The following LMTK2 variants were observed in gnomAD, a reference collection of about 807,000 sequenced individuals.
The protein encoded by LMTK2 is serine/threonine-protein kinase LMTK2.
Under a neutral mutation model 127.5 loss-of-function variants are expected in LMTK2, and 37 were observed. That is an observed-to-expected ratio of 0.29 (90% confidence interval 0.22 to 0.38). The LOEUF (loss-of-function observed/expected upper bound fraction) is 0.38, where lower values mean the gene tolerates loss of function less well. Ranked by LOEUF, LMTK2 falls within the 10% of genes least tolerant of loss-of-function variation. LMTK2 has a pLI of 1.00. For synonymous variants in LMTK2, 819 were observed against 810.1 expected, an observed-to-expected ratio of 1.01 and a Z score of -0.19; for missense variants, 1,694 against 1,920.3, an observed-to-expected ratio of 0.88 and a Z score of 2.20.
chr7:98,157,898 C>T (rs1043009683), intron 5 of LMTK2, among the ~76,000 whole-genome samples: 3 of 152,150 alleles, frequency 2.0e-5, no homozygotes, highest in African/African-American at 4.8e-5. Flanking sequence ...TGGTTACACA[C>T]ATCTGTGCAC....
Position 98,193,096 on chromosome 7 carries a change from C to T in LMTK2, c.2631C>T (p.His877=), listed in dbSNP as rs775120891. ...TTCTCTCAACTGATGCCAGAACCCA[C>T]AGCCTGGATAACAGGTCCCAGGACT... The part of the protein sequence containing the change: ...VEILSTDART[H]SLDNRSQDSP... Residue 877 remains histidine, a synonymous_variant, in exon 11 of 14, where the codon CAC becomes CAT. Transcript: ENST00000297293. The surrounding 1 kb of genome is among the most constrained non-coding windows in gnomAD (Gnocchi z 4.1). The T allele has an allele frequency of 2.5e-6, 4 of 1,613,802 alleles. No individual in the cohort carries two copies. The highest frequency in any genetic ancestry group is 4.5e-5 in the East Asian group (2 of 44,874).
chr7:98,172,292 G>A (rs1409536865), intron 7 of LMTK2, among the ~76,000 whole-genome samples: 2 of 150,488 alleles, frequency 1.3e-5, no homozygotes, highest in Non-Finnish European at 3.0e-5. Context: ...CCACTTGAAT[G>A]ACCATAGTTC....
At chr7:98,114,417 A>AT (rs746260763) in intron 1 of LMTK2, among the ~76,000 whole-genome samples, 1 of 150,988 alleles carries the variant, frequency 6.6e-6, no homozygotes, top group Non-Finnish European at 1.5e-5. Flanking sequence ...TGTAAAACAT[A>AT]TTTTTTCTAT....
rs745765701 is a variant in LMTK2 at position 98,194,206 on chromosome 7, G to A, written c.3741G>A (p.Leu1247=). 1 of 1,613,968 alleles carries A rather than the reference G, an allele frequency of 6.2e-7. No individual in the cohort carries two copies. The highest frequency in any genetic ancestry group is 8.5e-7 in the Non-Finnish European group (1 of 1,180,008). The change falls in exon 11 of 14, where the codon CTG becomes CTA. Residue 1247 remains leucine, a synonymous_variant. Coordinates refer to ENST00000297293, the MANE Select transcript of LMTK2 (RefSeq NM_014916.4). The surrounding 1 kb of genome is among the most constrained non-coding windows in gnomAD (Gnocchi z 5.4). ...AYTNSALDKS[L]SSHSEGPKLK... is the part of the protein sequence containing the mutation. Reference sequence around the variant, plus strand: ...CCAATTCTGCGCTGGACAAGTCCCTGTCCAGCCACTCCGAGGGCCCGAAGT... The same window carrying A: ...CCAATTCTGCGCTGGACAAGTCCCTATCCAGCCACTCCGAGGGCCCGAAGT...
At chr7:98,152,195 C>G (rs1247851218) in intron 4 of LMTK2, among the ~76,000 whole-genome samples, 1 of 152,110 alleles carries the variant, frequency 6.6e-6, no homozygotes, top group African/African-American at 2.4e-5. Flanking sequence ...TCTCATAGCC[C>G]GTCAAGTGGC....
intron 2 of LMTK2, among the ~76,000 whole-genome samples, chr7:98,139,263 C>T (rs1441831264): frequency 5.3e-5 from 8 of 152,138 alleles, no homozygotes; most frequent in Non-Finnish European, 8.8e-5. Flanking sequence ...TGCAGGCACA[C>T]GCCATCATTC....
chr7:98,164,259 C>CA (rs1283881394), intron 6 of LMTK2, among the ~76,000 whole-genome samples: 1 of 152,182 alleles, frequency 6.6e-6, no homozygotes, highest in Non-Finnish European at 1.5e-5. Context: ...ACGCCGCTCT[C>CA]ACGTGAATAT....
At chr7:98,177,892 T>G (rs1205476000) in intron 7 of LMTK2, among the ~76,000 whole-genome samples, 1 of 152,228 alleles carries the variant, frequency 6.6e-6, no homozygotes, top group Non-Finnish European at 1.5e-5. Flanking sequence ...ATCCTCTTGT[T>G]TTAATCCTCT....
chr7:98,189,647 T>C (rs542828269), intron 9 of LMTK2, among the ~76,000 whole-genome samples: 34 of 152,054 alleles, frequency 2.2e-4, no homozygotes, highest in Admixed American at 6.5e-4. Context: ...ATGGAGGCAG[T>C]GCGTGGTGGG....
Position 98,194,562 on chromosome 7 carries a change from T to G in LMTK2, c.4097T>G (p.Leu1366Arg). 1 of 1,604,262 alleles carries G rather than the reference T, an allele frequency of 6.2e-7. No individual in the cohort carries two copies. Among genetic ancestry groups the G allele is most frequent in the Non-Finnish European group, 8.5e-7 (1 of 1,179,196 alleles). The change falls in exon 11 of 14, where the codon CTG (leucine) becomes CGG (arginine). Residue 1366 changes from leucine (L) to arginine (R), a missense_variant. Physicochemically the swap from Leu to Arg is moderately radical, Grantham distance 102. Transcript: ENST00000297293. This position sits in a 1 kb window ranked among gnomAD's most constrained non-coding sequence, Gnocchi z 5.4. ...TTTTTCGATGATGTCACAGTCTACCTGTTTGACCAGGTATCTGTTCCCTCT... is the reference window on the plus strand; with the variant it reads ...TTTTTCGATGATGTCACAGTCTACCGGTTTGACCAGGTATCTGTTCCCTCT... ...VTFFDDVTVY[L>R]FDQETPTKEL...
intron 1 of LMTK2, among the ~76,000 whole-genome samples, chr7:98,125,040 AC>A (rs1796424225): frequency 2.0e-5 from 3 of 152,228 alleles, no homozygotes; most frequent in African/African-American, 7.2e-5. Flanking sequence ...CGCATGGCTC[AC>A]GCCTGTAATC....
chr7:98,193,825 C>G lies in LMTK2; in HGVS notation c.3360C>G (p.Val1120=). ...AGCCCGAGAAAAGGTCTGAGGAGGT[C>G]CCGGGAACCTCCCCATCCGCCTTGG... The part of the protein sequence containing the change: ...DSEPEKRSEE[V]PGTSPSALVL... The change falls in exon 11 of 14, where the codon GTC becomes GTG. Residue 1120 remains valine, a synonymous_variant. Transcript: ENST00000297293. This position sits in a 1 kb window ranked among gnomAD's most constrained non-coding sequence, Gnocchi z 4.1. 1 of 1,614,006 alleles carries G rather than the reference C, an allele frequency of 6.2e-7. No homozygotes were observed. Among genetic ancestry groups the G allele is most frequent in the Non-Finnish European group, 8.5e-7 (1 of 1,179,998 alleles).
In LMTK2 at chr7:98,195,604, G is replaced by A. The variant is rs185989700; in HGVS notation, c.4107+1032G>A. Reference sequence around the variant, plus strand: ...GGGGTCCCCTCACCTTCTAGAAGGCGCAGGAGTCCTCGCCGTCTCCTTCAC... The same window carrying A: ...GGGGTCCCCTCACCTTCTAGAAGGCACAGGAGTCCTCGCCGTCTCCTTCAC... On this transcript the variant is annotated intron_variant, in intron 11 of 13. Transcript: ENST00000297293. 1.4e-4 allele frequency among the ~76,000 whole-genome samples: 21 copies of A among 152,284 alleles called. No individual in the cohort carries two copies. The East Asian group carries it at 2.3e-3, about 17-fold the overall frequency.
In LMTK2 at chr7:98,107,225, G is replaced by T; in HGVS notation, c.48G>T (p.Leu16=). ...GGCGGAGGCTGCTGCTGCTGCTGCT[G>T]GTCCTCCTGATCGCCGGCAGTGCTG... ...ALRRRLLLLL[L]VLLIAGSAGA... The change falls in exon 1 of 14, where the codon CTG becomes CTT. Residue 16 remains leucine, a synonymous_variant. Transcript: ENST00000297293. The T allele has an allele frequency of 1.4e-6, 2 of 1,462,578 alleles. No individual in the cohort carries two copies. The highest frequency in any genetic ancestry group is 1.8e-6 in the Non-Finnish European group (2 of 1,114,742). 90.6% of individuals were successfully genotyped at this position (1,462,578 alleles called of 1,614,324 possible). A position where few individuals can be genotyped will look rare whatever the true frequency, so the allele number is the denominator to read the frequency against.
At chr7:98,199,448 C>T (rs1479604011) in intron 11 of LMTK2, among the ~76,000 whole-genome samples, 1 of 152,190 alleles carries the variant, frequency 6.6e-6, no homozygotes, top group Non-Finnish European at 1.5e-5. Context: ...TTTATCCTTT[C>T]GTAATGTCCT....
chr7:98,141,857 C>A (rs886862780), intron 3 of LMTK2, among the ~76,000 whole-genome samples: 19 of 152,310 alleles, frequency 1.2e-4, no homozygotes, highest in East Asian at 1.9e-4. Flanking sequence ...CACGGCTGAC[C>A]TTGCTGAGTA....
intron 3 of LMTK2, among the ~76,000 whole-genome samples, chr7:98,145,737 TA>T (rs1796764151): frequency 2.6e-5 from 4 of 152,352 alleles, no homozygotes; most frequent in African/African-American, 9.6e-5. Context: ...GAATTACAAA[TA>T]TTTCTCAAAT....
chr7:98,184,957 G>C, intron 7 of LMTK2, 94 bp from the exon 8 acceptor site: 1 of 859,296 alleles, frequency 1.2e-6, no homozygotes, highest in South Asian at 1.5e-5. Context: ...TACTTACTCG[G>C]ATCCCGAGAG....
chr7:98,135,782 A>G (rs1796586790), intron 1 of LMTK2, among the ~76,000 whole-genome samples: 1 of 152,154 alleles, frequency 6.6e-6, no homozygotes, highest in Non-Finnish European at 1.5e-5. Context: ...AAAAATCTTT[A>G]TGCTCTAGAT....
Sources: gnomAD v4.1 joint callset for allele counts (sites outside exome capture counted in the v4.1 genomes callset) on GRCh38, gnomAD v4.1.1 for gene constraint, Gnocchi (gnomAD v3.1) non-coding constraint, MANE v1.5 for transcripts, NCBI Gene and HGNC (gene_info 2026-07-23, HGNC 2026-07-21) for gene names.